SLC12A1: variants seen among roughly 807,000 people sequenced by gnomAD.
SLC12A1 encodes the protein Na-K-2Cl cotransporter.
SLC12A1 carries 89 observed loss-of-function variants against 130.4 expected under a neutral mutation model. The observed-to-expected ratio is 0.68, with a 90% CI of 0.58 to 0.81. The LOEUF is 0.81. SLC12A1 is among the 40% of genes least tolerant of loss of function. The pLI, the probability that SLC12A1 is intolerant of heterozygous loss-of-function variation, is 0.00. For missense variants in SLC12A1, 1,310 were observed against 1,336.4 expected (o/e 0.98, Z 0.31); for synonymous variants, 499 against 460.0 (o/e 1.08, Z -1.09).
chr15:48,225,119 T>C (rs780839025), intron 4 of SLC12A1: 4 of 152,260 alleles, frequency 2.6e-5, no homozygotes, highest in Non-Finnish European at 5.9e-5. Flanking sequence ...CTAGCCATTT[T>C]ACACATGCAT....
chr15:48,280,167 T>TAA (rs113028863), intron 20 of SLC12A1, among the ~76,000 whole-genome samples: 1,775 of 125,678 alleles, frequency 0.014, 40 homozygotes, highest in African/African-American at 0.049. Context: ...AAAGATATCT[T>TAA]AAAAAAAAAA....
At position 48,255,896 on chromosome 15, in the gene SLC12A1, C is replaced by A; in HGVS notation, c.2028C>A (p.His676Gln). The part of the protein sequence containing the change: ...NALELTTVED[H>Q]VKNFRPQCIV... Reference sequence around the variant, plus strand: ...TGGAATTAACCACAGTGGAAGACCACGTAAAAAACTTCAGGTAAAGCTGGT... The same window carrying A: ...TGGAATTAACCACAGTGGAAGACCAAGTAAAAAACTTCAGGTAAAGCTGGT... The change falls in exon 16 of 27, where the codon CAC (histidine) becomes CAA (glutamine). Residue 676 changes from histidine to glutamine, a missense_variant. Coordinates refer to ENST00000380993, the MANE Select transcript of SLC12A1 (RefSeq NM_000338.3). 1 of 1,593,758 alleles carries A rather than the reference C, an allele frequency of 6.3e-7. No homozygotes were observed. Among genetic ancestry groups the A allele is most frequent in the South Asian group, 1.1e-5 (1 of 87,410 alleles).
intron 18 of SLC12A1, among the ~76,000 whole-genome samples, chr15:48,268,393 C>T (rs756283183): frequency 2.2e-4 from 33 of 152,066 alleles, no homozygotes; most frequent in Non-Finnish European, 3.5e-4. Flanking sequence ...CTTGGCTTTC[C>T]GAGCATTTTG....
intron 13 of SLC12A1, among the ~76,000 whole-genome samples, chr15:48,249,115 T>A (rs879554565): frequency 1.3e-5 from 2 of 152,160 alleles, no homozygotes; most frequent in Non-Finnish European, 1.5e-5. Context: ...AAGGTATGAA[T>A]GACAAAGAGT....
At chr15:48,282,235 C>G (rs74394040) in intron 20 of SLC12A1, among the ~76,000 whole-genome samples, 2,710 of 152,268 alleles carry the variant, frequency 0.018, 90 homozygotes, top group African/African-American at 0.062. Flanking sequence ...TCTCTATCAT[C>G]TTTGAGGAAA....
At chr15:48,230,221 G>GA (rs1219415567) in intron 6 of SLC12A1, among the ~76,000 whole-genome samples, 172 bp from the exon 7 acceptor site, 1 of 151,988 alleles carries the variant, frequency 6.6e-6, no homozygotes, top group Non-Finnish European at 1.5e-5. Flanking sequence ...TATTATCACA[G>GA]AAAAAAATGC....
At position 48,207,619 on chromosome 15, in the gene SLC12A1, C is replaced by T; in HGVS notation, c.-101C>T. On this transcript the variant is annotated 5_prime_UTR_variant, in exon 2 of 27. Transcript: ENST00000380993. ...TCATCTAGAACAAAAGCCAGGAGCTCCCTAATGGAAGCACATTAGTGTTTA... is the reference window on the plus strand; with the variant it reads ...TCATCTAGAACAAAAGCCAGGAGCTTCCTAATGGAAGCACATTAGTGTTTA... 1 of 940,420 alleles carries T rather than the reference C, an allele frequency of 1.1e-6. No homozygotes were observed. Among genetic ancestry groups the T allele is most frequent in the South Asian group, 2.3e-5 (1 of 43,474 alleles). The allele number at this position is 940,420 out of a possible 1,614,324, so 58.3% of individuals were successfully genotyped here.
chr15:48,225,112 G>A (rs936836697), intron 4 of SLC12A1: 11 of 152,138 alleles, frequency 7.2e-5, no homozygotes, highest in African/African-American at 2.7e-4. Flanking sequence ...TGCTATGCTA[G>A]CCATTTTACA....
intron 15 of SLC12A1, among the ~76,000 whole-genome samples, chr15:48,254,796 C>T (rs182012676): frequency 0.027 from 4,165 of 151,622 alleles, 200 homozygotes; most frequent in African/African-American, 0.097. Context: ...TGGTGGCGGG[C>T]GCCTGTAGTC....
In SLC12A1 at chr15:48,208,202, C is replaced by G. The variant is rs1482854161; in HGVS notation, c.420+63C>G. The G allele has an allele frequency of 6.2e-6, 9 of 1,443,516 alleles. No individual in the cohort carries two copies. In the South Asian group the frequency reaches 8.3e-5, roughly 13 times the overall value. 89.4% of individuals were successfully genotyped at this position (1,443,516 alleles called of 1,614,324 possible). A position where few individuals can be genotyped will look rare whatever the true frequency, so the allele number is the denominator to read the frequency against. ...TCATAACTTCAGATAATTTCCTTCTCTTTCATTACACTATGAATGAATGTG... is the reference window on the plus strand; with the variant it reads ...TCATAACTTCAGATAATTTCCTTCTGTTTCATTACACTATGAATGAATGTG... On this transcript the variant is annotated intron_variant, in intron 2 of 26. Transcript: ENST00000380993.
chr15:48,264,240 G>A (rs193139080), intron 17 of SLC12A1, among the ~76,000 whole-genome samples: 16 of 152,084 alleles, frequency 1.1e-4, no homozygotes, highest in African/African-American at 3.1e-4. Context: ...GACTTTGACC[G>A]GCTCTTAGAC....
In SLC12A1 at chr15:48,299,229, C is replaced by T. The variant is rs746532932; in HGVS notation, c.3050C>T (p.Thr1017Ile). 4 of 1,608,106 alleles carry T rather than the reference C, an allele frequency of 2.5e-6. No individual in the cohort carries two copies. The highest frequency in any genetic ancestry group is 3.4e-6 in the Non-Finnish European group (4 of 1,178,102). ...LTTAEKLKRE[T>I]PWKITDAELE... ...ACTGCTGAGAAATTAAAAAGAGAAA[C>T]TCCGTGGAAAATTACAGATGCAGAA... The change falls in exon 25 of 27, where the codon ACT becomes ATT. Residue 1017 changes from threonine to isoleucine, a missense_variant. Transcript: ENST00000380993.
intron 17 of SLC12A1, among the ~76,000 whole-genome samples, chr15:48,264,528 AT>A (rs946996979): frequency 1.3e-5 from 2 of 152,042 alleles, no homozygotes; most frequent in South Asian, 2.1e-4. Context: ...GATGCATCTT[AT>A]TTTTTTTATC....
chr15:48,266,092 C>T (rs1278497805), intron 17 of SLC12A1, among the ~76,000 whole-genome samples: 1 of 152,296 alleles, frequency 6.6e-6, no homozygotes, highest in East Asian at 1.9e-4. Flanking sequence ...GCAGCATGGA[C>T]ATACAGGCTA....
chr15:48,240,074 T>TATATATATATATATCC (rs2041494685), intron 9 of SLC12A1, among the ~76,000 whole-genome samples: 2 of 77,932 alleles, frequency 2.6e-5, no homozygotes, highest in South Asian at 4.4e-4. Context: ...TATATATCCA[T>TATATATATATATATCC]ATATATATAT....
At chr15:48,243,581 G>T (rs2041543160) in intron 10 of SLC12A1, among the ~76,000 whole-genome samples, 1 of 151,782 alleles carries the variant, frequency 6.6e-6, no homozygotes, top group African/African-American at 2.4e-5. Context: ...CTTGAACGCA[G>T]GAGGCGGAGG....
intron 16 of SLC12A1, among the ~76,000 whole-genome samples, chr15:48,258,711 C>A (rs2041737479): frequency 6.6e-6 from 1 of 152,134 alleles, no homozygotes; most frequent in Non-Finnish European, 1.5e-5. Context: ...GAATTTTAGT[C>A]CATTTTCATG....
At chr15:48,248,557 A>G (rs2041609986) in intron 13 of SLC12A1, among the ~76,000 whole-genome samples, 1 of 152,234 alleles carries the variant, frequency 6.6e-6, no homozygotes, top group Non-Finnish European at 1.5e-5. Flanking sequence ...GTTGGTATCC[A>G]TGTTCCAGAA....
At chr15:48,274,680 A>G in intron 20 of SLC12A1, 27 bp downstream of exon 20, 1 of 1,514,156 alleles carries the variant, frequency 6.6e-7, no homozygotes, top group South Asian at 1.1e-5. Flanking sequence ...TTCAACCAAC[A>G]AGTATTTATT....
Sources: gnomAD v4.1 joint callset for allele counts (sites outside exome capture counted in the v4.1 genomes callset) on GRCh38, gnomAD v4.1.1 for gene constraint, MANE v1.5 for transcripts, NCBI Gene and HGNC (gene_info 2026-07-23, HGNC 2026-07-21) for gene names.